Variants in PDE1A observed in about 807,000 individuals in gnomAD.
The protein encoded by PDE1A is dual specificity calcium/calmodulin-dependent 3',5'-cyclic nucleotide phosphodiesterase 1A.
Under a neutral mutation model 61.7 loss-of-function variants are expected in PDE1A, and 35 were observed. The ratio of observed to expected loss-of-function variants is 0.57; its 90% CI spans 0.43 to 0.75. PDE1A has a LOEUF of 0.75. Among genes scored for constraint, PDE1A ranks in the 30% least tolerant of loss-of-function variants. The pLI is 0.00. For missense variants in PDE1A, 597 were observed against 630.6 expected (o/e 0.95, Z 0.57); for synonymous variants, 232 against 213.2 (o/e 1.09, Z -0.77).
At chr2:182,328,864 T>C (rs1338457213) in intron 1 of PDE1A, among the ~76,000 whole-genome samples, 1 of 152,132 alleles carries the variant, frequency 6.6e-6, no homozygotes, top group African/African-American at 2.4e-5. Flanking sequence ...CATTGAAGAA[T>C]GGTGTTGGAC....
intron 1 of PDE1A, among the ~76,000 whole-genome samples, chr2:182,332,022 T>C (rs1263068449): frequency 6.6e-6 from 1 of 152,254 alleles, no homozygotes; most frequent in Non-Finnish European, 1.5e-5. Context: ...CATAGTCTTA[T>C]ATTTCTTGGC....
At chr2:182,260,680 C>T (rs1040980274) in intron 2 of PDE1A, among the ~76,000 whole-genome samples, 12 of 152,040 alleles carry the variant, frequency 7.9e-5, no homozygotes, top group African/African-American at 2.9e-4. Flanking sequence ...GTGGATACTC[C>T]CACGGTAGCC....
chr2:182,271,548 C>T (rs1242632797), intron 1 of PDE1A, among the ~76,000 whole-genome samples: 1 of 152,040 alleles, frequency 6.6e-6, no homozygotes, highest in African/African-American at 2.4e-5. Context: ...TTGAAGAGTT[C>T]CTCGTAAGTA....
At chr2:182,693,994 C>G in the PDE1A span, among the ~76,000 whole-genome samples, 1 of 152,080 alleles carries the variant, frequency 6.6e-6, no homozygotes, top group African/African-American at 2.4e-5. Flanking sequence ...TCTGATGAAG[C>G]CTGTTTTATT....
intron 1 of PDE1A, among the ~76,000 whole-genome samples, chr2:182,270,443 T>C (rs547576494): frequency 6.6e-6 from 1 of 152,144 alleles, no homozygotes; most frequent in East Asian, 1.9e-4. Flanking sequence ...ACCACCTACA[T>C]AAGTAACAAT....
At chr2:182,242,768 G>C (rs1690619499) in intron 2 of PDE1A, among the ~76,000 whole-genome samples, 1 of 152,162 alleles carries the variant, frequency 6.6e-6, no homozygotes, top group Admixed American at 6.5e-5. Flanking sequence ...ACTCCTGCCA[G>C]GGTTTCCAGC....
chr2:182,655,021 T>C, the PDE1A span, among the ~76,000 whole-genome samples: 1 of 152,274 alleles, frequency 6.6e-6, no homozygotes, highest in African/African-American at 2.4e-5. Context: ...TCTGGAATCC[T>C]ATCATTCCTA....
chr2:182,457,924 G>A (rs954768642), intron 2 of PDE1A, among the ~76,000 whole-genome samples: 1 of 151,980 alleles, frequency 6.6e-6, no homozygotes, highest in African/African-American at 2.4e-5. Context: ...TTAAGATGTA[G>A]CTTTATTTAT....
chr2:182,205,954 G>T, exon 8 of PDE1A: 1 of 1,606,762 alleles, frequency 6.2e-7, no homozygotes, highest in South Asian at 1.1e-5. Context: ...AGTCATCTTT[G>T]GATAAATTTA....
At chr2:182,633,391 C>T in the PDE1A span, among the ~76,000 whole-genome samples, 1 of 152,178 alleles carries the variant, frequency 6.6e-6, no homozygotes, top group Non-Finnish European at 1.5e-5. Flanking sequence ...CATTATTCTC[C>T]TCGGACTCCC....
chr2:182,191,623 G>A (rs1685694031), intron 10 of PDE1A, among the ~76,000 whole-genome samples: 1 of 150,744 alleles, frequency 6.6e-6, no homozygotes, highest in South Asian at 2.1e-4. Flanking sequence ...AATTAAAATT[G>A]CAAAAACCAC....
the PDE1A span, among the ~76,000 whole-genome samples, chr2:182,626,338 T>C: frequency 1.2e-4 from 18 of 152,236 alleles, no homozygotes; most frequent in South Asian, 3.1e-3. Context: ...GAAAGGTTAG[T>C]GAGAAACTTT....
rs541473392 is a variant in PDE1A at position 182,378,406 on chromosome 2, G to C, written c.53+48172C>G. On this transcript the variant is annotated intron_variant, in intron 1 of 13. Coordinates refer to ENST00000351439, the Ensembl canonical transcript of PDE1A. Reference sequence around the variant, plus strand: ...GATAAAAATGTTCAATGTTTTAATTGGTGATGTGTTTGCATACTGAGTCAA... The same window carrying C: ...GATAAAAATGTTCAATGTTTTAATTCGTGATGTGTTTGCATACTGAGTCAA... Among the ~76,000 whole-genome samples the C allele has an allele frequency of 2.0e-5, 3 of 152,192 alleles. No individual in the cohort carries two copies. The East Asian group carries it at 5.8e-4, about 29-fold the overall frequency.
At chr2:182,701,927 A>G in the PDE1A span, among the ~76,000 whole-genome samples, 1 of 152,204 alleles carries the variant, frequency 6.6e-6, no homozygotes, top group Non-Finnish European at 1.5e-5. Flanking sequence ...ACACTCATTT[A>G]AAGAATACAA....
rs114232973 is a variant in PDE1A at position 182,336,852 on chromosome 2, G to A, written c.54-72438C>T. 1.3e-3 allele frequency among the ~76,000 whole-genome samples: 202 copies of A among 151,778 alleles called. 1 individual carries two copies. Among genetic ancestry groups the A allele is most frequent in the African/African-American group, 4.7e-3 (196 of 41,340 alleles). The stretch of plus-strand genomic sequence containing the variant: ...ACAACACACAACAGGGCCTGTTGGG[G>A]GTAGGGTGTGAGGGGAGGAAACTTA... On this transcript the variant is annotated intron_variant, in intron 1 of 13. Transcript: ENST00000351439.
chr2:182,538,872 T>A, the PDE1A span, among the ~76,000 whole-genome samples: 1 of 152,210 alleles, frequency 6.6e-6, no homozygotes, highest in Non-Finnish European at 1.5e-5. Context: ...CCTACAGTAG[T>A]AATGAGTTAC....
exon 9 of PDE1A, chr2:182,201,724 A>G (rs1686671944): frequency 1.2e-6 from 2 of 1,611,446 alleles, no homozygotes; most frequent in Admixed American, 1.7e-5. Flanking sequence ...TATATTTTTA[A>G]TTTGCTGGAA....
the PDE1A span, among the ~76,000 whole-genome samples, chr2:182,645,923 T>C: frequency 6.6e-5 from 10 of 152,342 alleles, no homozygotes; most frequent in South Asian, 2.1e-4. Context: ...GCCTAAAATA[T>C]ATTTTCTCTT....
intron 2 of PDE1A, among the ~76,000 whole-genome samples, chr2:182,483,703 A>C (rs1687839876): frequency 6.6e-6 from 1 of 151,880 alleles, no homozygotes; most frequent in Admixed American, 6.6e-5. Context: ...TCAAATAAAT[A>C]ATCCAAACTT....
Sources: allele counts gnomAD v4.1 joint callset (sites outside exome capture counted in the v4.1 genomes callset), GRCh38; gene constraint gnomAD v4.1.1; transcripts MANE v1.5; gene names NCBI Gene and HGNC (gene_info 2026-07-23, HGNC 2026-07-21).